Variants in NBPF11 observed in about 807,000 individuals in gnomAD.
NBPF11 encodes NBPF family member NBPF11.
A neutral mutation model predicts 93.9 loss-of-function variants in NBPF11; 72 were observed. The ratio of observed to expected loss-of-function variants is 0.77; its 90% CI spans 0.63 to 0.93. The LOEUF (loss-of-function observed/expected upper bound fraction) is 0.93. Among genes scored for constraint, NBPF11 ranks in the 40% least tolerant of loss-of-function variants. The pLI, the probability that NBPF11 is intolerant of heterozygous loss-of-function variation, is 0.00. For synonymous variants in NBPF11, 224 were observed against 304.9 expected, an observed-to-expected ratio of 0.73 and a Z score of 2.76; for missense variants, 705 against 802.2, an observed-to-expected ratio of 0.88 and a Z score of 1.46.
At chr1:148,126,172 TG>T (rs1669064563) in intron 5 of NBPF11, among the ~76,000 whole-genome samples, 1 of 151,812 alleles carries the variant, frequency 6.6e-6, no homozygotes, top group South Asian at 2.1e-4. Context: ...ATCTACTTTT[TG>T]TATTTTTAGT....
rs1672035400 is a variant in NBPF11 at position 148,140,732 on chromosome 1, C to CTT, written c.-277+2682_-277+2683insAA. Among the ~76,000 whole-genome samples, 3 of 151,854 alleles carry CTT rather than the reference C, an allele frequency of 2.0e-5. No homozygotes were observed. The South Asian group carries it at 6.2e-4, about 31-fold the overall frequency. On this transcript the variant is annotated intron_variant, in intron 2 of 23. Transcript: ENST00000682118. ...CATAAACCTATCAGAATGGCTAAAA[C>CTT]ACAAAACGGTGAACACACCAAATGC... is the stretch of plus-strand genomic sequence containing the variant.
Position 148,120,674 on chromosome 1 carries a change from A to G in NBPF11, c.815T>C (p.Met272Thr). ...GPTSSATNVS[M>T]VVSAGPLSSE... ...GGACAAAGGGCCGGCTGATACCACC[A>G]TGCTGACGTTTGTGGCAGAAGAGGT... The change falls in exon 10 of 24, where the codon ATG becomes ACG. Residue 272 changes from methionine to threonine, a missense_variant. This residue lies in a region of NBPF11 where 262 missense variants were observed against 223.1 expected (regional missense o/e 1.17). Coordinates refer to ENST00000682118, the MANE Select transcript of NBPF11 (RefSeq NM_001385469.3). The G allele has an allele frequency of 6.5e-7, 1 of 1,535,060 alleles. No homozygotes were observed.
intron 5 of NBPF11, among the ~76,000 whole-genome samples, chr1:148,125,232 C>G (rs1314623352): frequency 1.7e-4 from 26 of 152,062 alleles, no homozygotes; most frequent in African/African-American, 6.3e-4. Flanking sequence ...AGGAAGTTGA[C>G]AAGATGATTC....
chr1:148,146,545 G>A (rs1558169118), intron 1 of NBPF11: 17 of 1,603,834 alleles, frequency 1.1e-5, no homozygotes, highest in East Asian at 2.2e-5. Context: ...GGCCGGGGCC[G>A]CCCCCTTGGG....
At position 148,122,155 on chromosome 1, in the gene NBPF11, G is replaced by C; in HGVS notation, c.678C>G (p.Asn226Lys). 1 of 1,613,140 alleles carries C rather than the reference G, an allele frequency of 6.2e-7. No homozygotes were observed. The highest frequency in any genetic ancestry group is 8.5e-7 in the Non-Finnish European group (1 of 1,179,514). Residue 226 changes from asparagine to lysine, a missense_variant, in exon 9 of 24, where the codon AAC (asparagine) becomes AAG (lysine). Asn to Lys is a moderately conservative substitution (Grantham distance 94). This residue lies in a region of NBPF11 where 262 missense variants were observed against 223.1 expected (regional missense o/e 1.17). Coordinates refer to ENST00000682118, the MANE Select transcript of NBPF11 (RefSeq NM_001385469.3). Reference protein sequence around the residue: ...GPCDSIQPHKNIKITFEEDKV... With the variant: ...GPCDSIQPHKKIKITFEEDKV... Reference sequence around the variant, plus strand: ...TGTCTTCCTCAAATGTGATTTTGATGTTCTTGTGAGGCTGGATGGAGTCAC... The same window carrying C: ...TGTCTTCCTCAAATGTGATTTTGATCTTCTTGTGAGGCTGGATGGAGTCAC...
At chr1:148,107,404 C>A (rs1447728366) in intron 19 of NBPF11, among the ~76,000 whole-genome samples, 2 of 151,098 alleles carry the variant, frequency 1.3e-5, no homozygotes, top group Non-Finnish European at 1.5e-5. Flanking sequence ...TTAGTGCCCT[C>A]GGGACACACA....
intron 1 of NBPF11, among the ~76,000 whole-genome samples, chr1:148,150,512 A>G (rs1648015624): frequency 8.8e-6 from 1 of 113,508 alleles, no homozygotes; most frequent in African/African-American, 3.0e-5. Flanking sequence ...TTTAGAATAG[A>G]AAAAAAAAAG....
chr1:148,117,079 G>A (rs1251570037), intron 12 of NBPF11, among the ~76,000 whole-genome samples: 1 of 151,926 alleles, frequency 6.6e-6, no homozygotes, highest in African/African-American at 2.4e-5. Context: ...ACACGGAGAG[G>A]GGCTTCATCT....
chr1:148,148,874 C>A (rs1213581416), intron 1 of NBPF11, among the ~76,000 whole-genome samples: 5 of 151,694 alleles, frequency 3.3e-5, no homozygotes, highest in South Asian at 2.1e-4. Context: ...TCCCTTACCC[C>A]CGCCCCAGGG....
At position 148,111,120 on chromosome 1, in the gene NBPF11, T is replaced by C. The variant is rs1317515760; in HGVS notation, c.1638-579A>G. 4.7e-4 allele frequency among the ~76,000 whole-genome samples: 66 copies of C among 141,752 alleles called. 1 individual carries two copies. Among genetic ancestry groups the C allele is most frequent in the Non-Finnish European group, 7.6e-4 (50 of 65,726 alleles). The allele number at this position is 141,752 out of a possible 152,430, so 93.0% of individuals were successfully genotyped here. Reference sequence around the variant, plus strand: ...GAAATCTCTGTTTGAGGGTCTGGAGTGGACTTCCAGCAAACTCCAACAGAC... The same window carrying C: ...GAAATCTCTGTTTGAGGGTCTGGAGCGGACTTCCAGCAAACTCCAACAGAC... On this transcript the variant is annotated intron_variant, in intron 15 of 23. Coordinates refer to ENST00000682118, the MANE Select transcript of NBPF11 (RefSeq NM_001385469.3).
rs1305212631 is a variant in NBPF11 at position 148,114,466 on chromosome 1, TTCC to T, written c.1605_1607del (p.Glu539del). 295 of 594,442 alleles carry T rather than the reference TTCC, an allele frequency of 5.0e-4. 2 individuals carry two copies. In the African/African-American group the frequency reaches 7.0e-3, roughly 14 times the overall value. The allele number at this position is 594,442 out of a possible 1,614,324, so 36.8% of individuals were successfully genotyped here. On this transcript the variant is annotated inframe_deletion, in exon 15 of 24. Coordinates refer to ENST00000682118, the MANE Select transcript of NBPF11 (RefSeq NM_001385469.3). ...GAGACACTGGCCCTTTTTCTTCCTC[TTCC>T]TCATCATCACTTTCATTTTCTGTAA...
At chr1:148,114,833 T>A (rs1468751730) in intron 14 of NBPF11, among the ~76,000 whole-genome samples, 4 of 150,952 alleles carry the variant, frequency 2.6e-5, no homozygotes, top group Admixed American at 6.6e-5. Flanking sequence ...CCAGGTAACA[T>A]GGACATTAAA....
At chr1:148,149,520 G>A (rs1461455778) in intron 1 of NBPF11, 3 of 1,593,504 alleles carry the variant, frequency 1.9e-6, no homozygotes, top group East Asian at 4.5e-5. Flanking sequence ...TACCTGGAGC[G>A]CCTGCGTCGC....
chr1:148,135,949 C>T, intron 3 of NBPF11, 136 bp from the exon 4 acceptor site: 1 of 666,258 alleles, frequency 1.5e-6, no homozygotes, highest in East Asian at 2.8e-5. Context: ...TCACAGGATT[C>T]TTTACATGAT....
chr1:148,125,676 T>C (rs1485376201), intron 5 of NBPF11, among the ~76,000 whole-genome samples: 11 of 152,200 alleles, frequency 7.2e-5, no homozygotes, highest in East Asian at 1.9e-4. Context: ...AACTAATAGA[T>C]AGTGTTTACA....
In NBPF11 at chr1:148,105,349, A is replaced by C; in HGVS notation, c.2472+11T>G. The C allele has an allele frequency of 1.3e-6, 1 of 765,188 alleles. No individual in the cohort carries two copies. The highest frequency in any genetic ancestry group is 1.8e-5 in the Admixed American group (1 of 56,734). The allele number at this position is 765,188 out of a possible 1,614,324, so 47.4% of individuals were successfully genotyped here. A position where few individuals can be genotyped will look rare whatever the true frequency, so the allele number is the denominator to read the frequency against. On this transcript the variant is annotated intron_variant, in intron 22 of 23. Transcript: ENST00000682118. ...AGTGGATCCTTATCACCTTCATAGA[A>C]AGGTACTCACCTCCCACGTCAAGAG...
intron 1 of NBPF11, among the ~76,000 whole-genome samples, chr1:148,150,002 T>A (rs1234162054): frequency 6.6e-6 from 1 of 151,758 alleles, no homozygotes; most frequent in Non-Finnish European, 1.5e-5. Context: ...TAAAACACTT[T>A]GGGAAAATGT....
At chr1:148,138,828 T>C (rs1402450107) in intron 2 of NBPF11, among the ~76,000 whole-genome samples, 3 of 151,976 alleles carry the variant, frequency 2.0e-5, no homozygotes, top group Non-Finnish European at 4.4e-5. Context: ...CCATGGCTCA[T>C]ATCTGTAATC....
chr1:148,148,697 G>T (rs1243273830), intron 1 of NBPF11, among the ~76,000 whole-genome samples: 1 of 152,050 alleles, frequency 6.6e-6, no homozygotes, highest in Non-Finnish European at 1.5e-5. Context: ...CATGGCCAAG[G>T]GGGTGGGCAA....
Sources: allele counts gnomAD v4.1 joint callset (sites outside exome capture counted in the v4.1 genomes callset), GRCh38; gene constraint gnomAD v4.1.1; regional missense constraint gnomAD v4.1.1; transcripts MANE v1.5; gene names NCBI Gene and HGNC (gene_info 2026-07-23, HGNC 2026-07-21).